Variants in MEGF11 observed in about 807,000 individuals in gnomAD.
The protein encoded by MEGF11 is multiple epidermal growth factor-like domains protein 11.
A neutral mutation model predicts 146.6 loss-of-function variants in MEGF11; 126 were observed. The observed-to-expected ratio is 0.86, with a 90% CI of 0.74 to 1.00. The LOEUF (loss-of-function observed/expected upper bound fraction) is 1.00. Ranked by LOEUF, MEGF11 falls within the 50% of genes least tolerant of loss-of-function variation. The pLI is 0.00. For synonymous variants in MEGF11, 532 were observed against 583.4 expected, an observed-to-expected ratio of 0.91 and a Z score of 1.27; for missense variants, 1,509 against 1,521.2, an observed-to-expected ratio of 0.99 and a Z score of 0.13.
intron 1 of MEGF11, among the ~76,000 whole-genome samples, chr15:66,218,172 G>GA (rs1247733587): frequency 2.0e-5 from 3 of 152,160 alleles, no homozygotes; most frequent in East Asian, 1.9e-4. Context: ...AAAAATGGGG[G>GA]AAAAATCACC....
intron 24 of MEGF11, chr15:65,902,498 C>G (rs1596811934): frequency 6.6e-6 from 1 of 152,296 alleles, no homozygotes; most frequent in Admixed American, 6.5e-5. Flanking sequence ...AACTCCACCT[C>G]AGGAAGCCAC....
At chr15:65,932,672 C>A (rs2079620747) in intron 10 of MEGF11, among the ~76,000 whole-genome samples, 1 of 151,892 alleles carries the variant, frequency 6.6e-6, no homozygotes, top group South Asian at 2.1e-4. Flanking sequence ...TCTAGAATGC[C>A]AGGGGAGGGA....
intron 5 of MEGF11, among the ~76,000 whole-genome samples, chr15:66,014,787 C>T (rs1046116662): frequency 6.6e-6 from 1 of 152,144 alleles, no homozygotes; most frequent in Admixed American, 6.5e-5. Context: ...CAGCACTGCA[C>T]CTGTAGCAAC....
chr15:65,942,113 G>A (rs181780254), intron 10 of MEGF11, among the ~76,000 whole-genome samples: 2,254 of 152,224 alleles, frequency 0.015, 53 homozygotes, highest in African/African-American at 0.051. Context: ...ATTTGCCCCA[G>A]GTCACAGCAT....
At position 66,030,505 on chromosome 15, in the gene MEGF11, G is replaced by A. The variant is rs143083793; in HGVS notation, c.395-48017C>T. Among the ~76,000 whole-genome samples, 1,044 of 152,282 alleles carry A rather than the reference G, an allele frequency of 6.9e-3. 9 individuals are homozygous for A. The highest frequency in any genetic ancestry group is 0.022 in the African/African-American group (933 of 41,558). ...GCTCACTGCAATCTCCACCTCTCGA[G>A]TTCAAGTGATTCTCCTGCCTCAGCC... On this transcript the variant is annotated intron_variant, in intron 5 of 25. Transcript: ENST00000395614.
Position 66,092,538 on chromosome 15 carries a change from G to C in MEGF11, c.394+1864C>G, listed in dbSNP as rs189696929. Among the ~76,000 whole-genome samples, 151 of 152,294 alleles carry C rather than the reference G, an allele frequency of 9.9e-4. 2 individuals are homozygous for C. Among genetic ancestry groups the C allele is most frequent in the African/African-American group, 3.5e-3 (144 of 41,558 alleles). On this transcript the variant is annotated intron_variant, in intron 5 of 25. Coordinates refer to ENST00000395614, the MANE Select transcript of MEGF11 (RefSeq NM_001385028.1). Reference sequence around the variant, plus strand: ...TTCTGTGCTATAAAGTAACAAGTCTGTTTCCCTGCTTGCTTGGTAAATTCA... The same window carrying C: ...TTCTGTGCTATAAAGTAACAAGTCTCTTTCCCTGCTTGCTTGGTAAATTCA...
chr15:66,079,539 C>CG (rs998055745), intron 5 of MEGF11, among the ~76,000 whole-genome samples: 4 of 122,598 alleles, frequency 3.3e-5, no homozygotes, highest in African/African-American at 1.3e-4. Context: ...TCATTCACAC[C>CG]CCCCCCCCCA....
intron 1 of MEGF11, among the ~76,000 whole-genome samples, chr15:66,167,932 C>T (rs116995756): frequency 2.0e-5 from 3 of 152,274 alleles, no homozygotes; most frequent in East Asian, 3.9e-4. Flanking sequence ...GCCTTTCCCC[C>T]CTGAACCCCT....
intron 1 of MEGF11, among the ~76,000 whole-genome samples, chr15:66,231,739 A>G (rs557405020): frequency 2.0e-5 from 3 of 152,338 alleles, no homozygotes; most frequent in South Asian, 2.1e-4. Flanking sequence ...CTAATGAAGC[A>G]TAGGTTTTTC....
intron 5 of MEGF11, among the ~76,000 whole-genome samples, chr15:66,024,907 CA>C (rs1278811901): frequency 6.6e-6 from 1 of 152,124 alleles, no homozygotes; most frequent in African/African-American, 2.4e-5. Context: ...GTGGACTGGG[CA>C]CCTATTTGGG....
intron 20 of MEGF11, 47 bp from the exon 21 acceptor site, chr15:65,912,247 G>T: frequency 8.9e-7 from 1 of 1,118,926 alleles, no homozygotes; most frequent in Non-Finnish European, 1.1e-6. Context: ...CCTGCCCCTG[G>T]CATGAGATAC....
intron 1 of MEGF11, among the ~76,000 whole-genome samples, chr15:66,221,893 C>A (rs564711249): frequency 6.6e-6 from 1 of 151,800 alleles, no homozygotes; most frequent in South Asian, 2.1e-4. Flanking sequence ...AAAGCTGCCC[C>A]TGCTAACAGC....
chr15:66,218,014 C>T (rs912366562), intron 1 of MEGF11, among the ~76,000 whole-genome samples: 1 of 152,154 alleles, frequency 6.6e-6, no homozygotes, highest in African/African-American at 2.4e-5. Context: ...GGCACATGTC[C>T]CCAGCATCCT....
Position 65,916,902 on chromosome 15 carries a change from T to C in MEGF11, c.2141A>G (p.Asn714Ser). Residue 714 changes from asparagine to serine, a missense_variant, in exon 17 of 26, where the codon AAC becomes AGC. By Grantham distance (46) the Asn-to-Ser change is conservative. Coordinates refer to ENST00000395614, the MANE Select transcript of MEGF11 (RefSeq NM_001385028.1). ...GTCCTCGGCGCTGCAGCTCGCCCCG[T>C]TGTGGCAGCTGCATGCGTGGAAGCA... is the stretch of plus-strand genomic sequence containing the variant. Reference protein sequence around the residue: ...PACFHACSCHNGASCSAEDGA... With the variant: ...PACFHACSCHSGASCSAEDGA... The C allele has an allele frequency of 1.3e-6, 2 of 1,579,858 alleles. No homozygotes were observed. The highest frequency in any genetic ancestry group is 1.7e-6 in the Non-Finnish European group (2 of 1,162,730).
intron 7 of MEGF11, 145 bp from the exon 8 acceptor site, chr15:65,970,834 C>G: frequency 1.1e-6 from 1 of 889,530 alleles, no homozygotes; most frequent in Non-Finnish European, 1.7e-6. Context: ...CCAAAGCCCT[C>G]CTCTTAGAGA....
intron 4 of MEGF11, among the ~76,000 whole-genome samples, chr15:66,109,631 G>T (rs1317616679): frequency 6.6e-6 from 1 of 152,212 alleles, no homozygotes; most frequent in Non-Finnish European, 1.5e-5. Flanking sequence ...CAGAGGAAGT[G>T]AGTGGAGTCA....
chr15:66,244,026 T>C (rs1325056384), intron 1 of MEGF11, among the ~76,000 whole-genome samples: 3 of 152,214 alleles, frequency 2.0e-5, no homozygotes, highest in Non-Finnish European at 4.4e-5. Context: ...GGGGTGTGAC[T>C]TGGGCCAAGC....
intron 1 of MEGF11, among the ~76,000 whole-genome samples, chr15:66,189,519 G>A (rs1376525417): frequency 6.6e-6 from 1 of 152,098 alleles, no homozygotes; most frequent in Non-Finnish European, 1.5e-5. Context: ...CCCAGGCCTG[G>A]AGCCCTGCAA....
chr15:66,054,068 G>A (rs1458155156), intron 5 of MEGF11, among the ~76,000 whole-genome samples: 1 of 151,960 alleles, frequency 6.6e-6, no homozygotes, highest in Non-Finnish European at 1.5e-5. Context: ...CCTTTCTTTT[G>A]CCAGTTCTCC....
Sources: allele counts gnomAD v4.1 joint callset (sites outside exome capture counted in the v4.1 genomes callset), GRCh38; gene constraint gnomAD v4.1.1; transcripts MANE v1.5; gene names NCBI Gene and HGNC (gene_info 2026-07-23, HGNC 2026-07-21).